Variants in ARIH2 observed in about 807,000 individuals in gnomAD.
ARIH2 encodes the protein E3 ubiquitin-protein ligase ARIH2.
In ARIH2, 12 loss-of-function variants were observed where a neutral mutation model predicts 79.8. The ratio of observed to expected loss-of-function variants is 0.15; its 90% CI spans 0.10 to 0.24. ARIH2 has a LOEUF of 0.24. Among genes scored for constraint, ARIH2 ranks in the 10% least tolerant of loss-of-function variants. ARIH2 has a pLI of 1.00. For synonymous variants in ARIH2, 224 were observed against 213.9 expected, an observed-to-expected ratio of 1.05 and a Z score of -0.41; for missense variants, 301 against 618.3, an observed-to-expected ratio of 0.49 and a Z score of 5.44.
At chr3:48,923,626 A>G (rs961837419) in intron 2 of ARIH2, among the ~76,000 whole-genome samples, 1 of 151,090 alleles carries the variant, frequency 6.6e-6, no homozygotes, top group South Asian at 2.1e-4. Context: ...GGTTCAATCC[A>G]TTCTCCTGCT....
At chr3:48,937,035 A>G (rs2087254992) in intron 3 of ARIH2, among the ~76,000 whole-genome samples, 1 of 152,204 alleles carries the variant, frequency 6.6e-6, no homozygotes, top group Non-Finnish European at 1.5e-5. Context: ...CTCAAAAAAA[A>G]AAACATGAAT....
At chr3:48,923,642 C>T (rs577894637) in intron 2 of ARIH2, among the ~76,000 whole-genome samples, 14 of 151,860 alleles carry the variant, frequency 9.2e-5, no homozygotes, top group African/African-American at 3.4e-4. Context: ...CTGCTTCAAC[C>T]TCCTGAGTAG....
chr3:48,968,365 G>A (rs1206768727), intron 6 of ARIH2, 169 bp from the exon 7 acceptor site: 5 of 468,898 alleles, frequency 1.1e-5, no homozygotes, highest in East Asian at 5.5e-5. Flanking sequence ...CCGCCACTAC[G>A]CCCGGCTAAT....
At chr3:48,919,136 C>T in intron 1 of ARIH2, 138 bp downstream of exon 1, 1 of 1,303,614 alleles carries the variant, frequency 7.7e-7, no homozygotes, top group Non-Finnish European at 9.7e-7. Flanking sequence ...GTCGCCGGCA[C>T]GTTGTCCGAG....
At chr3:48,937,368 C>T (rs1032475883) in intron 3 of ARIH2, among the ~76,000 whole-genome samples, 3 of 152,122 alleles carry the variant, frequency 2.0e-5, no homozygotes, top group African/African-American at 7.2e-5. Context: ...CATCCACCAA[C>T]CCGGAAATAG....
intron 13 of ARIH2, among the ~76,000 whole-genome samples, chr3:48,981,035 A>AG (rs2092726964): frequency 6.7e-6 from 1 of 149,146 alleles, no homozygotes; most frequent in South Asian, 2.1e-4. Context: ...AAAAAAAAAA[A>AG]AAAAAAAGAT....
At chr3:48,937,111 GGTTT>G (rs1458011041) in intron 3 of ARIH2, among the ~76,000 whole-genome samples, 1 of 152,176 alleles carries the variant, frequency 6.6e-6, no homozygotes, top group African/African-American at 2.4e-5. Flanking sequence ...ATGAGCAAGG[GGTTT>G]GTTTGGAGAT....
chr3:48,922,669 C>G (rs1208224956), intron 1 of ARIH2, 79 bp from the exon 2 acceptor site: 2 of 151,288 alleles, frequency 1.3e-5, no homozygotes, highest in Non-Finnish European at 2.9e-5. Context: ...TTTAAAATAC[C>G]TTTGCTTTAA....
intron 7 of ARIH2, 139 bp downstream of exon 7, chr3:48,968,794 G>T (rs1433939418): frequency 2.5e-6 from 3 of 1,193,798 alleles, no homozygotes; most frequent in Non-Finnish European, 3.4e-6. Flanking sequence ...TTTAAAAAAA[G>T]TTTGAAAACC....
chr3:48,975,566 CTTT>C (rs752606580), intron 11 of ARIH2, among the ~76,000 whole-genome samples: 2 of 142,852 alleles, frequency 1.4e-5, no homozygotes, highest in African/African-American at 2.6e-5. Context: ...CTGACAGTTT[CTTT>C]TTTTTTTTTT....
At chr3:48,940,821 A>G (rs1422279104) in intron 3 of ARIH2, among the ~76,000 whole-genome samples, 2 of 139,834 alleles carry the variant, frequency 1.4e-5, no homozygotes, top group East Asian at 2.2e-4. Flanking sequence ...ATATATATAT[A>G]TATATATAGC....
intron 3 of ARIH2, among the ~76,000 whole-genome samples, chr3:48,939,344 G>C (rs2087681389): frequency 6.6e-6 from 1 of 152,042 alleles, no homozygotes; most frequent in Admixed American, 6.6e-5. Flanking sequence ...TTTATCATCT[G>C]GGGGCCCTTG....
At chr3:48,934,044 T>C (rs1271011819) in intron 3 of ARIH2, among the ~76,000 whole-genome samples, 1 of 152,218 alleles carries the variant, frequency 6.6e-6, no homozygotes, top group Non-Finnish European at 1.5e-5. Flanking sequence ...TGGTGTTTGC[T>C]CTTTAGCAAA....
chr3:48,925,769 A>C (rs1446539610), intron 2 of ARIH2, among the ~76,000 whole-genome samples: 1 of 149,314 alleles, frequency 6.7e-6, no homozygotes, highest in African/African-American at 2.5e-5. Flanking sequence ...GCCAGGCTGC[A>C]GTACAGTGGC....
chr3:48,926,524 C>T (rs1020469945), intron 2 of ARIH2, among the ~76,000 whole-genome samples: 11 of 151,832 alleles, frequency 7.2e-5, no homozygotes, highest in Admixed American at 4.6e-4. Context: ...CCCATCTCAG[C>T]CTCTCAAAAT....
At chr3:48,976,798 C>T (rs746208478) in intron 11 of ARIH2, among the ~76,000 whole-genome samples, 51 of 152,120 alleles carry the variant, frequency 3.4e-4, no homozygotes, top group Non-Finnish European at 6.6e-4. Context: ...ACCCAGAGTT[C>T]ACTGCCATCT....
Position 48,968,529 on chromosome 3 carries a change from A to T in ARIH2, c.539-5A>T. ...TGGCCCCATCAGGTTGTTTTTGTTC[A>T]ACAGGAGTCTCTTGCATGGCTCAGG... On this transcript the variant is annotated splice_region_variant and splice_polypyrimidine_tract_variant and intron_variant, in intron 6 of 15. Coordinates refer to ENST00000356401, the MANE Select transcript of ARIH2 (RefSeq NM_006321.4). 7 of 1,606,624 alleles carry T rather than the reference A, an allele frequency of 4.4e-6. No homozygotes were observed. The highest frequency in any genetic ancestry group is 4.3e-6 in the Non-Finnish European group (5 of 1,174,896).
At chr3:48,982,584 T>C in intron 14 of ARIH2, 1 of 262,938 alleles carries the variant, frequency 3.8e-6, no homozygotes, top group South Asian at 9.2e-5. Context: ...TGACTTATTT[T>C]TTACAGCATC....
intron 11 of ARIH2, among the ~76,000 whole-genome samples, chr3:48,977,758 G>A (rs998926965): frequency 5.3e-5 from 8 of 152,148 alleles, no homozygotes; most frequent in Non-Finnish European, 7.3e-5. Context: ...TGCCCGGCCT[G>A]TATTGTTCTT....
Sources: allele counts gnomAD v4.1 joint callset (sites outside exome capture counted in the v4.1 genomes callset), GRCh38; gene constraint gnomAD v4.1.1; transcripts MANE v1.5; gene names NCBI Gene and HGNC (gene_info 2026-07-23, HGNC 2026-07-21).